The following DYNC2I1 variants were observed in gnomAD, a reference collection of about 807,000 sequenced individuals.
The protein encoded by DYNC2I1 is cytoplasmic dynein 2 intermediate chain 1.
Under a neutral mutation model 133.4 loss-of-function variants are expected in DYNC2I1, and 89 were observed. That is an observed-to-expected ratio of 0.67 (90% CI 0.56 to 0.80). The LOEUF (loss-of-function observed/expected upper bound fraction) is 0.80, where lower values mean the gene tolerates loss of function less well. DYNC2I1 is among the 30% of genes least tolerant of loss of function. The probability of loss-of-function intolerance (pLI) is 0.00; values close to 1 mark genes in which losing one functional copy is unlikely to be tolerated. For synonymous variants in DYNC2I1, 504 were observed against 484.3 expected, an observed-to-expected ratio of 1.04 and a Z score of -0.54; for missense variants, 1,291 against 1,314.5, an observed-to-expected ratio of 0.98 and a Z score of 0.28.
At chr7:158,860,139 T>TCTGCCTCCCGGGTTCAAGCAGTTCTC (rs1278777715) in intron 1 of DYNC2I1, among the ~76,000 whole-genome samples, 1 of 151,764 alleles carries the variant, frequency 6.6e-6, no homozygotes, top group Non-Finnish European at 1.5e-5. Context: ...CACTCCATTC[T>TCTGCCTCCCGGGTTCAAGCAGTTCTC]CTGCCTCCCG....
At chr7:158,860,462 T>G (rs766066798) in intron 1 of DYNC2I1, among the ~76,000 whole-genome samples, 15 of 152,242 alleles carry the variant, frequency 9.9e-5, no homozygotes, top group Non-Finnish European at 2.1e-4. Context: ...TTTTATGTTC[T>G]TTATTTGTAC....
At chr7:158,932,799 A>AC (rs967911388) in intron 21 of DYNC2I1, among the ~76,000 whole-genome samples, 41 of 152,286 alleles carry the variant, frequency 2.7e-4, no homozygotes, top group African/African-American at 9.6e-4. Context: ...AGAGGGCTGG[A>AC]CACAGGCTAA....
At chr7:158,957,014 C>T (rs1010111335), downstream of DYNC2I1, among the ~76,000 whole-genome samples, 1 of 151,862 alleles carries the variant, frequency 6.6e-6, no homozygotes, top group African/African-American at 2.4e-5. Flanking sequence ...TGATCTCTGT[C>T]CTCTCCAGCC....
At chr7:158,892,888 A>C (rs1162470126) in intron 8 of DYNC2I1, among the ~76,000 whole-genome samples, 1 of 150,162 alleles carries the variant, frequency 6.7e-6, no homozygotes, top group East Asian at 2.0e-4. Flanking sequence ...CAGTGAGCTG[A>C]GATTGAGCCA....
chr7:158,850,126 G>A, the DYNC2I1 span, among the ~76,000 whole-genome samples: 1 of 152,138 alleles, frequency 6.6e-6, no homozygotes, highest in South Asian at 2.1e-4. Flanking sequence ...GGAGTGGGGA[G>A]GGGAGATCCT....
At chr7:158,887,325 A>G (rs1417417027) in intron 7 of DYNC2I1, among the ~76,000 whole-genome samples, 5 of 152,224 alleles carry the variant, frequency 3.3e-5, no homozygotes, top group Admixed American at 2.6e-4. Context: ...GATTGGCTAC[A>G]CTAGTATCAG....
In DYNC2I1 at chr7:158,871,403, G is replaced by C. The variant is rs1424031168; in HGVS notation, c.331G>C (p.Ala111Pro). The C allele has an allele frequency of 6.4e-7, 1 of 1,551,588 alleles. No homozygotes were observed. The highest frequency in any genetic ancestry group is 1.4e-5 in the African/African-American group (1 of 73,034). ...KEKLKEKHREAEKSHSRGKDR... is the reference protein window; with the variant it reads ...KEKLKEKHREPEKSHSRGKDR... ...AAAGCTGAAGGAGAAACATCGAGAG[G>C]CAGAAAAGTCTCACAGCAGAGGAAA... The change falls in exon 3 of 25, where the codon GCA becomes CCA. Residue 111 changes from alanine (A) to proline (P), a missense_variant. By Grantham distance (27) the Ala-to-Pro change is conservative (BLOSUM62 -1). Coordinates refer to ENST00000407559, the MANE Select transcript of DYNC2I1 (RefSeq NM_018051.5).
the DYNC2I1 span, among the ~76,000 whole-genome samples, chr7:158,850,564 CTAG>C: frequency 6.6e-6 from 1 of 152,220 alleles, no homozygotes; most frequent in Non-Finnish European, 1.5e-5. Flanking sequence ...TAAATGGGAA[CTAG>C]TAAGACTGCC....
At chr7:158,901,985 TTC>T (rs1334438917) in intron 9 of DYNC2I1, among the ~76,000 whole-genome samples, 169 bp downstream of exon 9, 1 of 152,228 alleles carries the variant, frequency 6.6e-6, no homozygotes, top group Non-Finnish European at 1.5e-5. Flanking sequence ...CTTGCTATAC[TTC>T]TACTAATACT....
At position 158,913,115 on chromosome 7, in the gene DYNC2I1, G is replaced by T; in HGVS notation, c.1702+19G>T. 1 of 1,549,188 alleles carries T rather than the reference G, an allele frequency of 6.5e-7. No homozygotes were observed. The highest frequency in any genetic ancestry group is 8.9e-7 in the Non-Finnish European group (1 of 1,128,226). ...TCTGGAGGTAACATCTTGCTCTTGA[G>T]TGTTGACCATTGACTCTCTTTACAT... On this transcript the variant is annotated intron_variant, in intron 13 of 24. Transcript: ENST00000407559.
At chr7:158,886,336 G>T (rs1844602672) in intron 6 of DYNC2I1, among the ~76,000 whole-genome samples, 1 of 151,896 alleles carries the variant, frequency 6.6e-6, no homozygotes, top group South Asian at 2.1e-4. Flanking sequence ...GTTTCTCCAT[G>T]TTGGCCAGAC....
At chr7:158,929,924 G>A (rs1850050976) in intron 20 of DYNC2I1, among the ~76,000 whole-genome samples, 1 of 152,138 alleles carries the variant, frequency 6.6e-6, no homozygotes, top group African/African-American at 2.4e-5. Flanking sequence ...TGTTTGAGAA[G>A]GAAGCTGGAG....
chr7:158,945,257 C>T lies in DYNC2I1; in HGVS notation c.3003-324C>T, dbSNP rs1851764638. 6.6e-6 allele frequency among the ~76,000 whole-genome samples: 1 copy of T among 152,094 alleles called. No homozygotes were observed. The highest frequency in any genetic ancestry group is 2.4e-5 in the African/African-American group (1 of 41,404). ...GGGAGGCTGGAGACCAAGGACGAGG[C>T]TCTGATAGATGGGCCTGCCTGTGCT... On this transcript the variant is annotated intron_variant, in intron 24 of 24. Coordinates refer to ENST00000407559, the MANE Select transcript of DYNC2I1 (RefSeq NM_018051.5). This position sits in a 1 kb window ranked among gnomAD's most constrained non-coding sequence, Gnocchi z 4.1.
intron 23 of DYNC2I1, among the ~76,000 whole-genome samples, chr7:158,935,311 C>T (rs1012493215): frequency 6.6e-6 from 1 of 152,198 alleles, no homozygotes; most frequent in Admixed American, 6.5e-5. Flanking sequence ...TCACAGTTGT[C>T]CTGTAGACTC....
chr7:158,917,902 TTC>T (rs1266199896), intron 14 of DYNC2I1, among the ~76,000 whole-genome samples: 1 of 152,144 alleles, frequency 6.6e-6, no homozygotes, highest in Non-Finnish European at 1.5e-5. Context: ...ATCCTATCAA[TTC>T]TCACTCAACA....
intron 4 of DYNC2I1, among the ~76,000 whole-genome samples, chr7:158,954,919 A>G (rs1416569909): frequency 1.3e-5 from 1 of 78,918 alleles, no homozygotes; most frequent in African/African-American, 5.0e-5. Flanking sequence ...CCCGTCCCCC[A>G]CAGGCCTAGA....
the DYNC2I1 span, among the ~76,000 whole-genome samples, chr7:158,841,202 T>C: frequency 2.3e-5 from 1 of 44,336 alleles, no homozygotes; most frequent in Non-Finnish European, 4.5e-5. Flanking sequence ...TATATATATA[T>C]ATATATATAT....
In DYNC2I1 at chr7:158,945,296, A is replaced by C. The variant is rs915690683; in HGVS notation, c.3003-285A>C. 6.6e-6 allele frequency among the ~76,000 whole-genome samples: 1 copy of C among 152,072 alleles called. No individual in the cohort carries two copies. Among genetic ancestry groups the C allele is most frequent in the Non-Finnish European group, 1.5e-5 (1 of 68,002 alleles). On this transcript the variant is annotated intron_variant, in intron 24 of 24. Transcript: ENST00000407559. This position sits in a 1 kb window ranked among gnomAD's most constrained non-coding sequence, Gnocchi z 4.1. ...CCTGCCTGTGCTGCTGATGGCCCCC[A>C]CCTTCTCCAGGGACCTGCTGGGGGC...
intron 23 of DYNC2I1, among the ~76,000 whole-genome samples, chr7:158,940,910 T>C (rs1284765517): frequency 6.6e-6 from 1 of 151,928 alleles, no homozygotes; most frequent in Non-Finnish European, 1.5e-5. Context: ...AATGTAACAA[T>C]GCACCTCAAG....
Sources: allele counts gnomAD v4.1 joint callset (sites outside exome capture counted in the v4.1 genomes callset), GRCh38; gene constraint gnomAD v4.1.1; non-coding constraint Gnocchi (gnomAD v3.1); transcripts MANE v1.5; gene names NCBI Gene and HGNC (gene_info 2026-07-23, HGNC 2026-07-21).